CA13: variants seen among roughly 807,000 people sequenced by gnomAD.
CA13 encodes the protein carbonic anhydrase 13.
CA13 carries 21 observed loss-of-function variants against 31.5 expected under a neutral mutation model. That is an observed-to-expected ratio of 0.67 (90% CI 0.47 to 0.96). CA13 has a LOEUF of 0.96. Among genes scored for constraint, CA13 ranks in the 40% least tolerant of loss-of-function variants. The pLI is 0.00. For synonymous variants in CA13, 117 were observed against 111.4 expected (o/e 1.05, Z -0.32); for missense variants, 315 against 318.9 (o/e 0.99, Z 0.09).
At chr8:85,276,365 T>C (rs1807608204) in intron 6 of CA13, among the ~76,000 whole-genome samples, 1 of 152,138 alleles carries the variant, frequency 6.6e-6, no homozygotes, top group Admixed American at 6.5e-5. Context: ...TGCCCCCTGC[T>C]CCACGGTGCC....
At position 85,268,582 on chromosome 8, in the gene CA13, C is replaced by A; in HGVS notation, c.624C>A (p.Val208=). Residue 208 remains valine (V), a synonymous_variant, in exon 6 of 7, where the codon GTC becomes GTA. Coordinates refer to ENST00000321764, the MANE Select transcript of CA13 (RefSeq NM_198584.3). ...CAGTTCCACCTCTTCTTGAGAGTGT[C>A]ACATGGATTGTTTTAAAGCAACCTA... ...SLTVPPLLES[V]TWIVLKQPIN... 3.7e-6 allele frequency: 6 copies of A among 1,613,836 alleles called. No homozygotes were observed. The highest frequency in any genetic ancestry group is 1.3e-5 in the African/African-American group (1 of 74,962).
At chr8:85,275,087 T>G (rs1043956689) in intron 6 of CA13, among the ~76,000 whole-genome samples, 20 of 152,156 alleles carry the variant, frequency 1.3e-4, no homozygotes, top group African/African-American at 4.8e-4. Flanking sequence ...TGTCCCACAG[T>G]GCACTTAGGC....
chr8:85,268,460 T>C lies in CA13; in HGVS notation c.514-12T>C. On this transcript the variant is annotated splice_polypyrimidine_tract_variant and intron_variant, in intron 5 of 6. Transcript: ENST00000321764. ...CCATTGTAATTTGTGGGAATTCTTT[T>C]TGATCCTCCAGGGTAAACAAACTCG... 6.2e-7 allele frequency: 1 copy of C among 1,613,898 alleles called. No individual in the cohort carries two copies. Among genetic ancestry groups the C allele is most frequent in the Non-Finnish European group, 8.5e-7 (1 of 1,179,838 alleles).
At chr8:85,269,446 A>T (rs867712806) in intron 6 of CA13, among the ~76,000 whole-genome samples, 9 of 152,100 alleles carry the variant, frequency 5.9e-5, no homozygotes, top group East Asian at 5.8e-4. Context: ...CTCAAAAAAA[A>T]TTTTTTTTGT....
chr8:85,255,075 T>A (rs1807271101), intron 2 of CA13, among the ~76,000 whole-genome samples: 1 of 151,876 alleles, frequency 6.6e-6, no homozygotes. Flanking sequence ...AGGAGGTGGA[T>A]GTGAAATTTT....
Position 85,275,536 on chromosome 8 carries a change from G to A in CA13, c.670-5694G>A, listed in dbSNP as rs375264861. Reference sequence around the variant, plus strand: ...CAGGTTTTTTCCTGCCTTGGGAAGCGATACGTCTGCTTGTAGTTTTGTATA... The same window carrying A: ...CAGGTTTTTTCCTGCCTTGGGAAGCAATACGTCTGCTTGTAGTTTTGTATA... On this transcript the variant is annotated intron_variant, in intron 6 of 6. Transcript: ENST00000321764. Among the ~76,000 whole-genome samples, 246 of 152,224 alleles carry A rather than the reference G, an allele frequency of 1.6e-3. 2 individuals are homozygous for A. The highest frequency in any genetic ancestry group is 5.6e-3 in the African/African-American group (233 of 41,542).
chr8:85,273,255 G>C (rs547312479), intron 6 of CA13, among the ~76,000 whole-genome samples: 12 of 152,288 alleles, frequency 7.9e-5, no homozygotes, highest in African/African-American at 2.9e-4. Flanking sequence ...AGGTATTCTA[G>C]TGGGCATGTG....
Position 85,245,725 on chromosome 8 carries a change from C to A in CA13, c.-104C>A. 7.3e-7 allele frequency: 1 copy of A among 1,361,214 alleles called. No individual in the cohort carries two copies. The highest frequency in any genetic ancestry group is 1.0e-6 in the Non-Finnish European group (1 of 958,438). The allele number at this position is 1,361,214 out of a possible 1,614,324, so 84.3% of individuals were successfully genotyped here. The stretch of plus-strand genomic sequence containing the variant: ...CGGTCTCGCACTCCTGCCGCCGGCG[C>A]CCCGCGGTCCCGCCCTAGCAGGCTC... On this transcript the variant is annotated 5_prime_UTR_variant, in exon 1 of 7. Transcript: ENST00000321764.
At position 85,245,536 on chromosome 8, in the gene CA13, G is replaced by A; in HGVS notation, c.-293G>A. Reference sequence around the variant, plus strand: ...CCTCAGAAGGCAGGAGATCCCCCCCGGAAACCTTTCTCTCTCCGTCTCTCC... The same window carrying A: ...CCTCAGAAGGCAGGAGATCCCCCCCAGAAACCTTTCTCTCTCCGTCTCTCC... On this transcript the variant is annotated 5_prime_UTR_variant, in exon 1 of 7. Transcript: ENST00000321764. The A allele has an allele frequency of 2.4e-6, 1 of 425,520 alleles. No homozygotes were observed. The highest frequency in any genetic ancestry group is 2.9e-5 in the South Asian group (1 of 34,406). The allele number at this position is 425,520 out of a possible 1,614,324, so 26.4% of individuals were successfully genotyped here. A position where few individuals can be genotyped will look rare whatever the true frequency, so the allele number is the denominator to read the frequency against.
intron 1 of CA13, among the ~76,000 whole-genome samples, chr8:85,246,110 A>T (rs952996817): frequency 6.6e-6 from 1 of 152,124 alleles, no homozygotes; most frequent in Non-Finnish European, 1.5e-5. Flanking sequence ...GGATTCCCCA[A>T]ACTCCCAAGT....
At chr8:85,246,034 C>A (rs1333652750) in intron 1 of CA13, among the ~76,000 whole-genome samples, 169 bp downstream of exon 1, 2 of 152,196 alleles carry the variant, frequency 1.3e-5, no homozygotes, top group African/African-American at 2.4e-5. Flanking sequence ...AAGCGGAGAG[C>A]AGTCTTGTCA....
chr8:85,252,604 C>T (rs1807210784), intron 2 of CA13, among the ~76,000 whole-genome samples: 2 of 152,018 alleles, frequency 1.3e-5, no homozygotes, highest in African/African-American at 4.8e-5. Context: ...TATCTACTGC[C>T]CAAGCAGAGA....
At chr8:85,253,774 AAGG>A (rs1311821490) in intron 2 of CA13, among the ~76,000 whole-genome samples, 4 of 152,044 alleles carry the variant, frequency 2.6e-5, no homozygotes, top group Non-Finnish European at 5.9e-5. Context: ...GCTACTGGGG[AAGG>A]AGGATGATTA....
At chr8:85,262,275 A>G (rs1807395145) in intron 3 of CA13, among the ~76,000 whole-genome samples, 1 of 152,116 alleles carries the variant, frequency 6.6e-6, no homozygotes, top group African/African-American at 2.4e-5. Context: ...CTTACCCTGA[A>G]AGGAGTGCAG....
In CA13 at chr8:85,274,001, G is replaced by A. The variant is rs565805688; in HGVS notation, c.669+5374G>A. Among the ~76,000 whole-genome samples the A allele has an allele frequency of 5.3e-5, 8 of 151,922 alleles. 1 individual carries two copies. Among genetic ancestry groups the A allele is most frequent in the East Asian group, 4.0e-4 (2 of 5,032 alleles). Reference sequence around the variant, plus strand: ...ATAGTACCCGGACGGCCTCCGTCTCGGTCTTCAGGGGGTATGTGTCTTCCG... The same window carrying A: ...ATAGTACCCGGACGGCCTCCGTCTCAGTCTTCAGGGGGTATGTGTCTTCCG... On this transcript the variant is annotated intron_variant, in intron 6 of 6. Transcript: ENST00000321764.
intron 1 of CA13, chr8:85,246,535 G>T (rs1199409353): frequency 2.2e-6 from 1 of 455,774 alleles, no homozygotes; most frequent in African/African-American, 2.0e-5. Flanking sequence ...GCTCATCCTT[G>T]CAGGGTGAGC....
rs1272936804 is a variant in CA13 at position 85,267,932 on chromosome 8, A to G, written c.481A>G (p.Ile161Val). The G allele has an allele frequency of 6.3e-7, 1 of 1,597,782 alleles. No homozygotes were observed. Among genetic ancestry groups the G allele is most frequent in the Non-Finnish European group, 8.6e-7 (1 of 1,168,330 alleles). ...IGEPNSQLQK[I>V]TDTLDSIKEK... ...TGAACCTAATTCCCAACTGCAAAAG[A>G]TTACTGACACTTTGGATTCCATTAA... is the stretch of plus-strand genomic sequence containing the variant. The change falls in exon 5 of 7, where the codon ATT (isoleucine) becomes GTT (valine). Residue 161 changes from isoleucine (I) to valine (V), a missense_variant. Ile to Val is a conservative substitution (Grantham distance 29). Coordinates refer to ENST00000321764, the MANE Select transcript of CA13 (RefSeq NM_198584.3).
chr8:85,251,735 T>G (rs1012426358), intron 2 of CA13, among the ~76,000 whole-genome samples: 1 of 152,172 alleles, frequency 6.6e-6, no homozygotes, highest in African/African-American at 2.4e-5. Flanking sequence ...TGGAAACATA[T>G]AACAAATATT....
In CA13 at chr8:85,259,474, C is replaced by T; in HGVS notation, c.289C>T (p.His97Tyr). 1.2e-6 allele frequency: 2 copies of T among 1,613,968 alleles called. No individual in the cohort carries two copies. Among genetic ancestry groups the T allele is most frequent in the Non-Finnish European group, 1.7e-6 (2 of 1,179,976 alleles). ...GSYRLRQVHLHWGSADDHGSE... is the reference protein window; with the variant it reads ...GSYRLRQVHLYWGSADDHGSE... ...CTACAGGTTACGGCAGGTTCACCTTCACTGGGGGTCCGCTGATGACCACGG... is the reference window on the plus strand; with the variant it reads ...CTACAGGTTACGGCAGGTTCACCTTTACTGGGGGTCCGCTGATGACCACGG... The change falls in exon 3 of 7, where the codon CAC becomes TAC. Residue 97 changes from histidine to tyrosine, a missense_variant. Physicochemically the swap from His to Tyr is moderately conservative, Grantham distance 83 (BLOSUM62 2). Coordinates refer to ENST00000321764, the MANE Select transcript of CA13 (RefSeq NM_198584.3).
Sources: allele counts gnomAD v4.1 joint callset (sites outside exome capture counted in the v4.1 genomes callset), GRCh38; gene constraint gnomAD v4.1.1; transcripts MANE v1.5; gene names NCBI Gene and HGNC (gene_info 2026-07-23, HGNC 2026-07-21).